MTUS2: variants seen among roughly 807,000 people sequenced by gnomAD.
MTUS2 encodes the protein microtubule associated scaffold protein 2.
A neutral mutation model predicts 114.1 loss-of-function variants in MTUS2; 40 were observed. The observed-to-expected ratio is 0.35, with a 90% confidence interval of 0.27 to 0.46. The LOEUF (loss-of-function observed/expected upper bound fraction) is 0.46, where lower values mean the gene tolerates loss of function less well. MTUS2 is among the 20% of genes least tolerant of loss of function. MTUS2 has a pLI of 1.00. For synonymous variants in MTUS2, 688 were observed against 672.0 expected (o/e 1.02, Z -0.37); for missense variants, 1,679 against 1,705.4 (o/e 0.98, Z 0.27).
chr13:29,072,580 G>C (rs928415436), intron 4 of MTUS2, among the ~76,000 whole-genome samples: 28 of 152,168 alleles, frequency 1.8e-4, no homozygotes, highest in African/African-American at 6.8e-4. Context: ...TTAGCAAATA[G>C]AATACCTGCT....
chr13:29,482,577 C>T (rs927605768), intron 10 of MTUS2, among the ~76,000 whole-genome samples: 5 of 152,140 alleles, frequency 3.3e-5, no homozygotes, highest in Admixed American at 6.5e-5. Context: ...ATTGTATGTA[C>T]GCAAAGCACC....
chr13:29,083,486 A>G (rs1889536141), intron 4 of MTUS2, among the ~76,000 whole-genome samples: 1 of 152,198 alleles, frequency 6.6e-6, no homozygotes, highest in South Asian at 2.1e-4. Context: ...AAGCTGTTGA[A>G]GTGGGAGCTG....
At chr13:29,117,348 T>A (rs1337736003) in intron 5 of MTUS2, among the ~76,000 whole-genome samples, 1 of 152,192 alleles carries the variant, frequency 6.6e-6, no homozygotes, top group East Asian at 1.9e-4. Context: ...ACCCCTGTCA[T>A]TCTTATCACC....
At chr13:28,841,828 A>C (rs1008829240) in intron 2 of MTUS2, among the ~76,000 whole-genome samples, 14 of 152,226 alleles carry the variant, frequency 9.2e-5, no homozygotes, top group Admixed American at 3.3e-4. Flanking sequence ...CTGGGATTAC[A>C]GATGCGTGCC....
intron 8 of MTUS2, among the ~76,000 whole-genome samples, chr13:29,435,229 G>A (rs1360685147): frequency 6.6e-6 from 1 of 152,170 alleles, no homozygotes; most frequent in Non-Finnish European, 1.5e-5. Flanking sequence ...TTTTAGAGGA[G>A]TGGCCTCGTT....
chr13:29,061,338 T>A (rs1279179494), intron 4 of MTUS2, among the ~76,000 whole-genome samples: 1 of 152,214 alleles, frequency 6.6e-6, no homozygotes, highest in Admixed American at 6.5e-5. Context: ...CAACAAGATG[T>A]CTCCATTTTG....
At chr13:29,041,962 T>C (rs1383702620) in intron 4 of MTUS2, among the ~76,000 whole-genome samples, 2 of 152,194 alleles carry the variant, frequency 1.3e-5, no homozygotes, top group African/African-American at 4.8e-5. Context: ...TTTATTTCTT[T>C]CACTTGTCTG....
chr13:29,477,509 A>G (rs142094588), intron 9 of MTUS2, among the ~76,000 whole-genome samples: 11 of 152,262 alleles, frequency 7.2e-5, no homozygotes, highest in African/African-American at 2.4e-4. Flanking sequence ...CACATTGCCT[A>G]TCAGTCATTG....
Position 28,881,217 on chromosome 13 carries a change from A to G in MTUS2, c.-243+41367A>G, listed in dbSNP as rs1878269553. On this transcript the variant is annotated intron_variant, in intron 2 of 15. Coordinates refer to ENST00000612955, the MANE Select transcript of MTUS2 (RefSeq NM_001033602.4). ...GTTTAGTTCCCACTTGTAAGTGAGAACATGCGGTATTTGATTTTCTGTTTC... is the reference window on the plus strand; with the variant it reads ...GTTTAGTTCCCACTTGTAAGTGAGAGCATGCGGTATTTGATTTTCTGTTTC... Among the ~76,000 whole-genome samples the G allele has an allele frequency of 2.0e-5, 3 of 152,206 alleles. No individual in the cohort carries two copies. The South Asian group carries it at 6.2e-4, about 32-fold the overall frequency.
At position 29,216,938 on chromosome 13, in the gene MTUS2, C is replaced by G. The variant is rs556048673; in HGVS notation, c.2645-64766C>G. Among the ~76,000 whole-genome samples, 3 of 152,234 alleles carry G rather than the reference C, an allele frequency of 2.0e-5. No homozygotes were observed. In the East Asian group the frequency reaches 5.8e-4, roughly 29 times the overall value. On this transcript the variant is annotated intron_variant, in intron 5 of 15. Transcript: ENST00000612955. Reference sequence around the variant, plus strand: ...TTATCTTTTGCATTTTTGATAGTGCCCATCCTAGTGGGTGTGAGGTGGCAT... The same window carrying G: ...TTATCTTTTGCATTTTTGATAGTGCGCATCCTAGTGGGTGTGAGGTGGCAT...
chr13:28,956,747 G>A (rs1315455040), intron 2 of MTUS2, among the ~76,000 whole-genome samples: 1 of 152,152 alleles, frequency 6.6e-6, no homozygotes, highest in Non-Finnish European at 1.5e-5. Context: ...GTATGGATAA[G>A]CTGGTGGGAA....
intron 2 of MTUS2, among the ~76,000 whole-genome samples, chr13:28,890,577 G>A (rs1252856131): frequency 6.6e-6 from 1 of 152,158 alleles, no homozygotes; most frequent in Non-Finnish European, 1.5e-5. Flanking sequence ...CTAGCACATA[G>A]TAAGTGCTCA....
chr13:28,922,684 C>T lies in MTUS2; in HGVS notation c.-243+82834C>T, dbSNP rs75174211. Reference sequence around the variant, plus strand: ...AGGTGCGTAGATTCTTCAAACCAGGCGGCCACTGTCAAGAGATGGGAGACG... The same window carrying T: ...AGGTGCGTAGATTCTTCAAACCAGGTGGCCACTGTCAAGAGATGGGAGACG... On this transcript the variant is annotated intron_variant, in intron 2 of 15. Transcript: ENST00000612955. Among the ~76,000 whole-genome samples, 1,267 of 152,300 alleles carry T rather than the reference C, an allele frequency of 8.3e-3. 19 individuals carry two copies. The highest frequency in any genetic ancestry group is 0.035 in the East Asian group (179 of 5,186).
chr13:29,465,085 C>T (rs571131984), intron 9 of MTUS2, among the ~76,000 whole-genome samples: 40 of 152,300 alleles, frequency 2.6e-4, no homozygotes, highest in African/African-American at 9.1e-4. Context: ...ACTTTTGTGA[C>T]GTTCAATAAC....
intron 11 of MTUS2, among the ~76,000 whole-genome samples, chr13:29,492,195 GTGTGTGGTGTGT>G (rs1882214959): frequency 3.5e-4 from 1 of 2,866 alleles, no homozygotes; most frequent in Non-Finnish European, 7.6e-4. Flanking sequence ...GTGTGTATGT[GTGTGTGGTGTGT>G]ATGTGATGTG....
chr13:28,936,493 C>T (rs150132783), intron 2 of MTUS2, among the ~76,000 whole-genome samples: 281 of 152,182 alleles, frequency 1.8e-3, no homozygotes, highest in African/African-American at 6.3e-3. Context: ...TGCTTTCCTG[C>T]GGTGCCTGTG....
At chr13:28,899,386 C>T (rs887847533) in intron 2 of MTUS2, among the ~76,000 whole-genome samples, 23 of 152,222 alleles carry the variant, frequency 1.5e-4, no homozygotes, top group African/African-American at 4.3e-4. Context: ...AAGGCAAATG[C>T]GAAGCTGTAA....
intron 2 of MTUS2, among the ~76,000 whole-genome samples, chr13:29,019,412 A>T (rs866666479): frequency 1.1e-4 from 16 of 152,190 alleles, no homozygotes; most frequent in Admixed American, 1.0e-3. Context: ...ATGTAGAAGG[A>T]ACTCTTAGCT....
intron 3 of MTUS2, among the ~76,000 whole-genome samples, chr13:29,030,209 C>T (rs671498): frequency 0.015 from 2,324 of 152,208 alleles, 63 homozygotes; most frequent in African/African-American, 0.052. Context: ...CTAGGCACCA[C>T]GTCAAGACTC....
Sources: gnomAD v4.1 joint callset for allele counts (sites outside exome capture counted in the v4.1 genomes callset) on GRCh38, gnomAD v4.1.1 for gene constraint, MANE v1.5 for transcripts, NCBI Gene and HGNC (gene_info 2026-07-23, HGNC 2026-07-21) for gene names.